Variants in DGKB observed in about 807,000 individuals in gnomAD.
DGKB encodes 90 kDa diacylglycerol kinase.
A neutral mutation model predicts 114.3 loss-of-function variants in DGKB; 67 were observed. The ratio of observed to expected loss-of-function variants is 0.59; its 90% confidence interval spans 0.48 to 0.72. The LOEUF (loss-of-function observed/expected upper bound fraction) is 0.72, where lower values mean the gene tolerates loss of function less well. Among genes scored for constraint, DGKB ranks in the 30% least tolerant of loss-of-function variants. DGKB has a pLI of 0.00. For synonymous variants in DGKB, 398 were observed against 323.1 expected, an observed-to-expected ratio of 1.23 and a Z score of -2.49; for missense variants, 907 against 975.2, an observed-to-expected ratio of 0.93 and a Z score of 0.93.
intron 2 of DGKB, among the ~76,000 whole-genome samples, chr7:14,819,910 C>G (rs959251193): frequency 6.6e-6 from 1 of 152,076 alleles, no homozygotes; most frequent in African/African-American, 2.4e-5. Context: ...ATTCCAGAGA[C>G]CAAGATTGGA....
chr7:14,183,924 G>A (rs2128254347), intron 23 of DGKB, among the ~76,000 whole-genome samples: 1 of 152,316 alleles, frequency 6.6e-6, no homozygotes, highest in Middle Eastern at 3.4e-3. Context: ...GACGGAAGTG[G>A]ACTGCTCCTG....
intron 2 of DGKB, among the ~76,000 whole-genome samples, chr7:14,776,473 C>T (rs1838206280): frequency 6.6e-6 from 1 of 152,192 alleles, no homozygotes; most frequent in Non-Finnish European, 1.5e-5. Flanking sequence ...CAGGGCCCAC[C>T]TGCTGTGTGC....
In DGKB at chr7:14,656,115, A is replaced by G. The variant is rs140423800; in HGVS notation, c.1134+16814T>C. ...GATTTAATCACTGCATATTTCATAC[A>G]GGCATCAAAATATCATTCTGCATCC... On this transcript the variant is annotated intron_variant, in intron 13 of 25. Coordinates refer to ENST00000402815, the MANE Select transcript of DGKB (RefSeq NM_001350709.2). 5.3e-3 allele frequency among the ~76,000 whole-genome samples: 807 copies of G among 151,800 alleles called. 6 individuals carry two copies. Among genetic ancestry groups the G allele is most frequent in the African/African-American group, 0.019 (777 of 41,500 alleles).
Position 14,736,133 on chromosome 7 carries a change from T to C in DGKB, c.230A>G (p.Asp77Gly), listed in dbSNP as rs373002466. Residue 77 changes from aspartate (D) to glycine (G), a missense_variant, in exon 5 of 26, where the codon GAT becomes GGT. By Grantham distance (94) the Asp-to-Gly change is moderately conservative. Around this residue, in one of 3 missense-constraint regions of DGKB, gnomAD observed 814 missense variants for 856.6 expected, o/e 0.95. Transcript: ENST00000402815. Reference protein sequence around the residue: ...MKTFLEAELPDDFTAHLFMSF... With the variant: ...MKTFLEAELPGDFTAHLFMSF... ...CATGAAAAGGTGTGCAGTGAAATCA[T>C]CAGGAAGCTCGGCTTCCAGGAATGT... 3 of 1,609,380 alleles carry C rather than the reference T, an allele frequency of 1.9e-6. No individual in the cohort carries two copies. The highest frequency in any genetic ancestry group is 2.7e-5 in the African/African-American group (2 of 74,816).
intron 13 of DGKB, among the ~76,000 whole-genome samples, chr7:14,653,385 C>T (rs1409041971): frequency 1.3e-5 from 2 of 152,078 alleles, no homozygotes; most frequent in East Asian, 3.9e-4. Context: ...AATCATCATT[C>T]TCAGTAAACT....
rs374017046 is a variant in DGKB, at chr7:14,858,849, G to A, written c.-187-17399C>T. ...TATTCTAACCAAACATTTATTGAGTGACAAGTGCATGTCACTGTCATAGGT... is the reference window on the plus strand; with the variant it reads ...TATTCTAACCAAACATTTATTGAGTAACAAGTGCATGTCACTGTCATAGGT... On this transcript the variant is annotated intron_variant, in intron 1 of 25. Coordinates refer to ENST00000402815, the MANE Select transcript of DGKB (RefSeq NM_001350709.2). 1.5e-3 allele frequency among the ~76,000 whole-genome samples: 224 copies of A among 152,306 alleles called. 1 individual carries two copies. The highest frequency in any genetic ancestry group is 5.1e-3 in the African/African-American group (210 of 41,578).
chr7:14,490,813 G>A (rs1408933033), intron 20 of DGKB, among the ~76,000 whole-genome samples: 1 of 152,066 alleles, frequency 6.6e-6, no homozygotes, highest in East Asian at 1.9e-4. Flanking sequence ...ATTCTGTAAT[G>A]GCGATTTCTA....
At chr7:14,715,868 T>G (rs1318024926) in intron 6 of DGKB, among the ~76,000 whole-genome samples, 1 of 152,186 alleles carries the variant, frequency 6.6e-6, no homozygotes, top group East Asian at 1.9e-4. Flanking sequence ...TTGAGGATGT[T>G]AAGTGAGGAC....
chr7:14,391,229 T>C (rs924980867), intron 21 of DGKB, among the ~76,000 whole-genome samples: 2 of 152,220 alleles, frequency 1.3e-5, no homozygotes, highest in Non-Finnish European at 2.9e-5. Flanking sequence ...TTTATCTATT[T>C]TGGTTTTTGC....
At chr7:14,869,625 CAGTTT>C (rs1317202251) in intron 1 of DGKB, among the ~76,000 whole-genome samples, 2 of 152,080 alleles carry the variant, frequency 1.3e-5, no homozygotes, top group Admixed American at 1.3e-4. Flanking sequence ...GCTTTTCTGT[CAGTTT>C]ATTCTCACTG....
intron 1 of DGKB, among the ~76,000 whole-genome samples, chr7:14,930,283 G>T (rs931098821): frequency 5.9e-5 from 9 of 152,042 alleles, no homozygotes; most frequent in South Asian, 2.1e-4. Context: ...GATAGGGATT[G>T]CATTAAATCT....
chr7:14,421,681 G>A (rs1339006830), intron 21 of DGKB, among the ~76,000 whole-genome samples: 3 of 151,928 alleles, frequency 2.0e-5, no homozygotes, highest in East Asian at 1.9e-4. Flanking sequence ...ATATTTTATT[G>A]GGTAGAGTAC....
At chr7:14,477,039 C>T (rs757975365) in intron 21 of DGKB, among the ~76,000 whole-genome samples, 5 of 152,112 alleles carry the variant, frequency 3.3e-5, no homozygotes, top group African/African-American at 7.2e-5. Flanking sequence ...CGTGAGCCAC[C>T]GTGCCCGGCC....
At chr7:14,479,018 A>G (rs1030251645) in intron 20 of DGKB, among the ~76,000 whole-genome samples, 7 of 152,118 alleles carry the variant, frequency 4.6e-5, no homozygotes, top group African/African-American at 1.2e-4. Flanking sequence ...GACTGCTCCA[A>G]CTGACTCTAA....
intron 25 of DGKB, among the ~76,000 whole-genome samples, chr7:14,165,251 T>C (rs989596844): frequency 2.0e-5 from 3 of 152,152 alleles, no homozygotes; most frequent in Non-Finnish European, 2.9e-5. Context: ...ACTTTTAAAA[T>C]AGTAGAACCT....
chr7:14,902,463 T>A (rs1783250325), intron 1 of DGKB, 129 bp downstream of exon 1: 1 of 152,156 alleles, frequency 6.6e-6, no homozygotes, highest in African/African-American at 2.4e-5. Flanking sequence ...ACGAACCGAT[T>A]TAACATTTCA....
intron 23 of DGKB, among the ~76,000 whole-genome samples, chr7:14,260,853 A>G (rs1420238375): frequency 6.6e-6 from 1 of 152,210 alleles, no homozygotes; most frequent in Non-Finnish European, 1.5e-5. Context: ...ATCTACAAAA[A>G]GCTAATTCAT....
In DGKB at chr7:14,383,248, G is replaced by A. The variant is rs888050336; in HGVS notation, c.1836-37857C>T. Among the ~76,000 whole-genome samples the A allele has an allele frequency of 2.0e-5, 3 of 152,160 alleles. No homozygotes were observed. In the South Asian group the frequency reaches 6.2e-4, roughly 32 times the overall value. The stretch of plus-strand genomic sequence containing the variant: ...TTCTTGTCTCTGCACACCTTTTTTA[G>A]GGGGGACTGATGCCTGGTTATATCT... On this transcript the variant is annotated intron_variant, in intron 21 of 25. Coordinates refer to ENST00000402815, the MANE Select transcript of DGKB (RefSeq NM_001350709.2).
intron 5 of DGKB, among the ~76,000 whole-genome samples, chr7:14,728,756 T>C (rs928052406): frequency 2.0e-5 from 3 of 149,990 alleles, no homozygotes; most frequent in African/African-American, 7.4e-5. Flanking sequence ...CAGGCTGGAG[T>C]GCAGTGGCGC....
Sources: allele counts gnomAD v4.1 joint callset (sites outside exome capture counted in the v4.1 genomes callset), GRCh38; gene constraint gnomAD v4.1.1; regional missense constraint gnomAD v4.1.1; transcripts MANE v1.5; gene names NCBI Gene and HGNC (gene_info 2026-07-23, HGNC 2026-07-21).